Variants in SLC26A6 observed in about 807,000 individuals in gnomAD.
The protein encoded by SLC26A6 is anion exchange transporter.
SLC26A6 carries 67 observed loss-of-function variants against 87.1 expected under a neutral mutation model. The ratio of observed to expected loss-of-function variants is 0.77; its 90% CI spans 0.63 to 0.94. The LOEUF (loss-of-function observed/expected upper bound fraction) is 0.94, where lower values mean the gene tolerates loss of function less well. Ranked by LOEUF, SLC26A6 falls within the 40% of genes least tolerant of loss-of-function variation. The probability of loss-of-function intolerance (pLI) is 0.00; values close to 1 mark genes in which losing one functional copy is unlikely to be tolerated. For synonymous variants in SLC26A6, 414 were observed against 405.9 expected (o/e 1.02, Z -0.24); for missense variants, 902 against 973.0 (o/e 0.93, Z 0.97).
intron 5 of SLC26A6, 25 bp downstream of exon 5, chr3:48,632,220 G>T: frequency 6.4e-7 from 1 of 1,573,344 alleles, no homozygotes. Flanking sequence ...GTGGTGGGGG[G>T]CACATACTCC....
chr3:48,632,782 G>C lies in SLC26A6; in HGVS notation c.433+192C>G, dbSNP rs530548903. 23 of 688,112 alleles carry C rather than the reference G, an allele frequency of 3.3e-5. No individual in the cohort carries two copies. In the South Asian group the frequency reaches 3.6e-4, roughly 11 times the overall value. The allele number at this position is 688,112 out of a possible 1,614,324, so 42.6% of individuals were successfully genotyped here. A position where few individuals can be genotyped will look rare whatever the true frequency, so the allele number is the denominator to read the frequency against. The stretch of plus-strand genomic sequence containing the variant: ...CATCTTCCTGGAGCCAGGGCTTTGA[G>C]GTCACCTGCCTCTGTGGTCCTACAG... On this transcript the variant is annotated intron_variant, in intron 4 of 20. Transcript: ENST00000395550.
At chr3:48,635,206 C>T (rs2046922811) in intron 1 of SLC26A6, among the ~76,000 whole-genome samples, 165 bp downstream of exon 1, 1 of 152,190 alleles carries the variant, frequency 6.6e-6, no homozygotes, top group South Asian at 2.1e-4. Flanking sequence ...CGGCTCCCGC[C>T]CCCACCCCTT....
chr3:48,630,913 G>T, intron 9 of SLC26A6, 80 bp downstream of exon 9: 1 of 1,580,564 alleles, frequency 6.3e-7, no homozygotes, highest in Non-Finnish European at 8.6e-7. Flanking sequence ...GTCTCCCTGT[G>T]TCCCACCGGT....
At position 48,631,635 on chromosome 3, in the gene SLC26A6, C is replaced by T; in HGVS notation, c.903+14G>A. On this transcript the variant is annotated intron_variant, in intron 7 of 20. Transcript: ENST00000395550. ...TGCCCTTCTCCCCTGCCCTCCACTC[C>T]CTGGCCCTCGAACCGTGAGCAGCTC... is the stretch of plus-strand genomic sequence containing the variant. 1.9e-6 allele frequency: 3 copies of T among 1,611,054 alleles called. No individual in the cohort carries two copies. The highest frequency in any genetic ancestry group is 1.1e-5 in the South Asian group (1 of 90,678).
At position 48,625,834 on chromosome 3, in the gene SLC26A6, G is replaced by A; in HGVS notation, c.*152C>T. ...GGCCCTGTCCCAGACCTGGAGCGCTGAACTTGGAGTCCCAGGACCTCCTTC... is the reference window on the plus strand; with the variant it reads ...GGCCCTGTCCCAGACCTGGAGCGCTAAACTTGGAGTCCCAGGACCTCCTTC... On this transcript the variant is annotated 3_prime_UTR_variant, in exon 21 of 21. Transcript: ENST00000395550. This position sits in a 1 kb window ranked among gnomAD's most constrained non-coding sequence, Gnocchi z 4.7. The A allele has an allele frequency of 1.0e-6, 1 of 977,378 alleles. No homozygotes were observed. Among genetic ancestry groups the A allele is most frequent in the Non-Finnish European group, 1.5e-6 (1 of 649,666 alleles). 60.5% of individuals were successfully genotyped at this position (977,378 alleles called of 1,614,324 possible).
chr3:48,630,844 T>A (rs1487024888), intron 9 of SLC26A6, 124 bp from the exon 10 acceptor site: 11 of 1,496,788 alleles, frequency 7.3e-6, no homozygotes. Context: ...GACTGGATGC[T>A]GTCCCACACG....
In SLC26A6 at chr3:48,629,631, CT is replaced by C; in HGVS notation, c.1599+10del. On this transcript the variant is annotated intron_variant, in intron 14 of 20. Coordinates refer to ENST00000395550, the MANE Select transcript of SLC26A6 (RefSeq NM_022911.3). ...CCATCCACACCATCTCACTCAGCCCCTGACACTCACCTCTGAGTACTCTGCC... is the reference window on the plus strand; with the variant it reads ...CCATCCACACCATCTCACTCAGCCCCGACACTCACCTCTGAGTACTCTGCC... The C allele has an allele frequency of 6.2e-7, 1 of 1,606,474 alleles. No individual in the cohort carries two copies. The highest frequency in any genetic ancestry group is 8.5e-7 in the Non-Finnish European group (1 of 1,176,624).
chr3:48,633,753 ACAGTATTCCAGCCCCCAGCTGG>A (rs2046879099), intron 1 of SLC26A6, 118 bp from the exon 2 acceptor site: 1 of 1,513,756 alleles, frequency 6.6e-7, no homozygotes, highest in Non-Finnish European at 8.8e-7. Context: ...AGATCAAGGT[ACAGTATTCCAGCCCCCAGCTGG>A]CATCTGTGGG....
rs201132088 is a variant in SLC26A6, at chr3:48,626,042, G to T, written c.2266-42C>A. On this transcript the variant is annotated intron_variant, in intron 20 of 20. Coordinates refer to ENST00000395550, the MANE Select transcript of SLC26A6 (RefSeq NM_022911.3). ...GGGGAGGCTCTAGTCAGTTTCCAAAGGACACAGACCAACCCCCGCCCCTAG... is the reference window on the plus strand; with the variant it reads ...GGGGAGGCTCTAGTCAGTTTCCAAATGACACAGACCAACCCCCGCCCCTAG... 13 of 1,613,456 alleles carry T rather than the reference G, an allele frequency of 8.1e-6. No individual in the cohort carries two copies. In the Admixed American group the frequency reaches 1.0e-4, roughly 12 times the overall value.
In SLC26A6 at chr3:48,631,293, G is replaced by A. The variant is rs750331305; in HGVS notation, c.917C>T (p.Thr306Ile). The change falls in exon 8 of 21, where the codon ACA becomes ATA. Residue 306 changes from threonine to isoleucine, a missense_variant. Physicochemically the swap from Thr to Ile is moderately conservative, Grantham distance 89 (BLOSUM62 -1). This residue lies in a region of SLC26A6 where 800 missense variants were observed against 856.8 expected (regional missense o/e 0.93). Transcript: ENST00000395550. ...TAGACCCATGCCATAGGAGATGCCTGTGGCCCCGATGAGCTGTGGGAGAGG... is the reference window on the plus strand; with the variant it reads ...TAGACCCATGCCATAGGAGATGCCTATGGCCCCGATGAGCTGTGGGAGAGG... ...PGELLTLIGA[T>I]GISYGMGLKH... is the part of the protein sequence containing the mutation. 3.4e-5 allele frequency: 54 copies of A among 1,598,334 alleles called. 1 individual carries two copies. The Admixed American group carries it at 8.9e-4, about 26-fold the overall frequency.
In SLC26A6 at chr3:48,625,987, CAG is replaced by C. The variant is rs769359479; in HGVS notation, c.2277_2278del (p.Ter760AsnfsTer18). ...AGTCTTGGGCAGGATGTAGCATGTT[CAG>C]AGTCTGGTGACCTGAGCAGGCAGAG... On this transcript the variant is annotated frameshift_variant and stop_lost, in exon 21 of 21. Transcript: ENST00000395550. LOFTEE classifies it high-confidence loss of function. The surrounding 1 kb of genome is among the most constrained non-coding windows in gnomAD (Gnocchi z 4.7). The C allele has an allele frequency of 2.5e-5, 41 of 1,613,866 alleles. No individual in the cohort carries two copies. In the South Asian group the frequency reaches 4.0e-4, roughly 16 times the overall value.
chr3:48,628,370 G>A lies in SLC26A6; in HGVS notation c.1800+64C>T, dbSNP rs2046683768. 1.9e-6 allele frequency: 3 copies of A among 1,602,004 alleles called. No homozygotes were observed. The stretch of plus-strand genomic sequence containing the variant: ...GGACGAGGGAGGAGTCGGGGGCCAG[G>A]AGAAAGGCTGGGGCAGGGAACAGGG... On this transcript the variant is annotated intron_variant, in intron 16 of 20. Coordinates refer to ENST00000395550, the MANE Select transcript of SLC26A6 (RefSeq NM_022911.3). This position sits in a 1 kb window ranked among gnomAD's most constrained non-coding sequence, Gnocchi z 4.4.
Position 48,625,984 on chromosome 3 carries a change from G to GT in SLC26A6, c.*1dup. ...TGCAGTCTTGGGCAGGATGTAGCATGTTCAGAGTCTGGTGACCTGAGCAGG... is the reference window on the plus strand; with the variant it reads ...TGCAGTCTTGGGCAGGATGTAGCATGTTTCAGAGTCTGGTGACCTGAGCAGG... On this transcript the variant is annotated 3_prime_UTR_variant, in exon 21 of 21. Transcript: ENST00000395550. The surrounding 1 kb of genome is among the most constrained non-coding windows in gnomAD (Gnocchi z 4.7). The GT allele has an allele frequency of 6.2e-7, 1 of 1,613,908 alleles. No homozygotes were observed. Among genetic ancestry groups the GT allele is most frequent in the Non-Finnish European group, 8.5e-7 (1 of 1,179,954 alleles).
At chr3:48,632,428 GGA>G in intron 4 of SLC26A6, 32 bp from the exon 5 acceptor site, 1 of 1,591,264 alleles carries the variant, frequency 6.3e-7, no homozygotes, top group Non-Finnish European at 8.6e-7. Flanking sequence ...GGTCTGAAGA[GGA>G]GAGGACACTG....
In SLC26A6 at chr3:48,625,874, G is replaced by T; in HGVS notation, c.*112C>A. On this transcript the variant is annotated 3_prime_UTR_variant, in exon 21 of 21. Transcript: ENST00000395550. The surrounding 1 kb of genome is among the most constrained non-coding windows in gnomAD (Gnocchi z 4.7). ...GGACCTCCTTCCCTGAGTTGTGTGT[G>T]TGTACATGGAGGGGACTCCTGGGTA... is the stretch of plus-strand genomic sequence containing the variant. 1 of 1,375,770 alleles carries T rather than the reference G, an allele frequency of 7.3e-7. No homozygotes were observed. Among genetic ancestry groups the T allele is most frequent in the Non-Finnish European group, 1.0e-6 (1 of 981,950 alleles). The allele number at this position is 1,375,770 out of a possible 1,614,324, so 85.2% of individuals were successfully genotyped here. A position where few individuals can be genotyped will look rare whatever the true frequency, so the allele number is the denominator to read the frequency against.
At position 48,631,883 on chromosome 3, in the gene SLC26A6, G is replaced by C; in HGVS notation, c.747C>G (p.Ile249Met). 1 of 1,613,636 alleles carries C rather than the reference G, an allele frequency of 6.2e-7. No homozygotes were observed. Among genetic ancestry groups the C allele is most frequent in the Non-Finnish European group, 8.5e-7 (1 of 1,180,010 alleles). Residue 249 changes from isoleucine (I) to methionine (M), a missense_variant, in exon 6 of 21, where the codon ATC (isoleucine) becomes ATG (methionine). Coordinates refer to ENST00000395550, the MANE Select transcript of SLC26A6 (RefSeq NM_022911.3). ...CCCTCCCCCTACCCTCACTCACATA[G>C]ATGAGGGACAGTGGCCCAGAGTGGC... ...LSSHSGPLSL[I>M]YTVLEVCWKL...
intron 19 of SLC26A6, 32 bp from the exon 20 acceptor site, chr3:48,626,386 T>C: frequency 5.0e-6 from 8 of 1,613,550 alleles, no homozygotes; most frequent in Non-Finnish European, 6.8e-6. Flanking sequence ...CCCCTGACTC[T>C]CAGAACCTCT....
rs2046775280 is a variant in SLC26A6 at position 48,631,057 on chromosome 3, G to A, written c.1070C>T (p.Ala357Val). The change falls in exon 9 of 21, where the codon GCC (alanine) becomes GTC (valine). Residue 357 changes from alanine (A) to valine (V), a missense_variant. By Grantham distance (64) the Ala-to-Val change is moderately conservative. Around this residue, in one of 3 missense-constraint regions of SLC26A6, gnomAD observed 800 missense variants for 856.8 expected, o/e 0.93. Coordinates refer to ENST00000395550, the MANE Select transcript of SLC26A6 (RefSeq NM_022911.3). ...GATCTTCCCCAGTGAGATGGCAATG[G>A]CAAACCCAACCACAGCGATGGTGAA... ...SAFTIAVVGF[A>V]IAISLGKIFA... The A allele has an allele frequency of 2.5e-6, 4 of 1,613,802 alleles. No individual in the cohort carries two copies. Among genetic ancestry groups the A allele is most frequent in the Non-Finnish European group, 3.4e-6 (4 of 1,180,030 alleles).
chr3:48,630,147 G>A lies in SLC26A6; in HGVS notation c.1337C>T (p.Ala446Val). Residue 446 changes from alanine to valine, a missense_variant, in exon 12 of 21, where the codon GCA becomes GTA. Ala to Val is a moderately conservative substitution (Grantham distance 64). Transcript: ENST00000395550. Reference protein sequence around the residue: ...LFHDLPKAVLAAIIIVNLKGM... With the variant: ...LFHDLPKAVLVAIIIVNLKGM... ...CTTCAGGTTCACAATGATGATGGCTGCCAGGACCGCCTGGGGTGGGGACAG... is the reference window on the plus strand; with the variant it reads ...CTTCAGGTTCACAATGATGATGGCTACCAGGACCGCCTGGGGTGGGGACAG... 6.2e-7 allele frequency: 1 copy of A among 1,608,130 alleles called. No individual in the cohort carries two copies. The highest frequency in any genetic ancestry group is 8.5e-7 in the Non-Finnish European group (1 of 1,175,604).
Sources: gnomAD v4.1 joint callset for allele counts (sites outside exome capture counted in the v4.1 genomes callset) on GRCh38, gnomAD v4.1.1 for gene constraint, gnomAD v4.1.1 regional missense constraint, Gnocchi (gnomAD v3.1) non-coding constraint, MANE v1.5 for transcripts, NCBI Gene and HGNC (gene_info 2026-07-23, HGNC 2026-07-21) for gene names.